CCSER1: variants seen among roughly 807,000 people sequenced by gnomAD.
CCSER1 encodes the protein coiled-coil serine rich protein 1.
Under a neutral mutation model 82.0 loss-of-function variants are expected in CCSER1, and 41 were observed. That is an observed-to-expected ratio of 0.50 (90% confidence interval 0.39 to 0.65). The LOEUF (loss-of-function observed/expected upper bound fraction) is 0.65, where lower values mean the gene tolerates loss of function less well. Among genes scored for constraint, CCSER1 ranks in the 30% least tolerant of loss-of-function variants. The probability of loss-of-function intolerance (pLI) is 0.00; values close to 1 mark genes in which losing one functional copy is unlikely to be tolerated. For synonymous variants in CCSER1, 414 were observed against 383.9 expected, an observed-to-expected ratio of 1.08 and a Z score of -0.92; for missense variants, 1,119 against 1,064.2, an observed-to-expected ratio of 1.05 and a Z score of -0.72.
At chr4:91,356,687 C>T (rs1284333783) in intron 10 of CCSER1, among the ~76,000 whole-genome samples, 1 of 152,148 alleles carries the variant, frequency 6.6e-6, no homozygotes, top group Non-Finnish European at 1.5e-5. Context: ...CAAGGGCTGA[C>T]TGATTGATAA....
At chr4:90,537,717 C>T (rs1448568623) in intron 5 of CCSER1, among the ~76,000 whole-genome samples, 6 of 152,122 alleles carry the variant, frequency 3.9e-5, no homozygotes, top group Non-Finnish European at 7.4e-5. Flanking sequence ...CTTTTATCTA[C>T]TGGGGTTTTA....
intron 8 of CCSER1, among the ~76,000 whole-genome samples, chr4:90,861,685 CTTAA>C (rs1399951766): frequency 1.3e-5 from 2 of 151,662 alleles, no homozygotes; most frequent in South Asian, 2.1e-4. Context: ...GTTATCACAA[CTTAA>C]TTAACTCAGA....
At chr4:90,257,002 C>T (rs182811122) in intron 1 of CCSER1, among the ~76,000 whole-genome samples, 243 of 151,752 alleles carry the variant, frequency 1.6e-3, no homozygotes, top group Non-Finnish European at 2.9e-3. Flanking sequence ...TATGACATTC[C>T]GTACTATCTG....
intron 8 of CCSER1, among the ~76,000 whole-genome samples, chr4:90,843,950 A>G (rs1762878920): frequency 6.6e-6 from 1 of 152,082 alleles, no homozygotes; most frequent in South Asian, 2.1e-4. Flanking sequence ...TATATTTTTT[A>G]TATTTTCAGT....
intron 10 of CCSER1, among the ~76,000 whole-genome samples, chr4:91,181,177 G>GC (rs1208177396): frequency 3.4e-5 from 5 of 149,150 alleles, no homozygotes; most frequent in Admixed American, 3.3e-4. Context: ...CCAGATTTTG[G>GC]GGGGCCTGCT....
At chr4:90,277,716 T>TAA (rs60268631) in intron 1 of CCSER1, among the ~76,000 whole-genome samples, 6 of 150,968 alleles carry the variant, frequency 4.0e-5, no homozygotes, top group African/African-American at 1.2e-4. Context: ...GCCCTCAAAA[T>TAA]AAAAAAAAAT....
At chr4:91,343,195 A>G (rs556084871) in intron 10 of CCSER1, among the ~76,000 whole-genome samples, 1 of 152,182 alleles carries the variant, frequency 6.6e-6, no homozygotes, top group South Asian at 2.1e-4. Flanking sequence ...AATTTTTCTT[A>G]TCCTCTATTT....
chr4:91,306,078 T>TGA (rs999887963), intron 10 of CCSER1, among the ~76,000 whole-genome samples: 20 of 151,504 alleles, frequency 1.3e-4, no homozygotes, highest in Non-Finnish European at 2.5e-4. Flanking sequence ...TGTGTGTGTG[T>TGA]GTGTGTGTGT....
intron 10 of CCSER1, among the ~76,000 whole-genome samples, chr4:91,262,840 C>A (rs1293167120): frequency 6.8e-6 from 1 of 146,912 alleles, no homozygotes; most frequent in African/African-American, 2.6e-5. Context: ...AAACATGAGG[C>A]TCTTATCATA....
intron 5 of CCSER1, among the ~76,000 whole-genome samples, chr4:90,623,938 T>G (rs1722826352): frequency 6.6e-6 from 1 of 152,192 alleles, no homozygotes; most frequent in South Asian, 2.1e-4. Context: ...AAGCTAGGAT[T>G]AAACTCACCG....
intron 10 of CCSER1, among the ~76,000 whole-genome samples, chr4:91,190,459 C>T (rs760560777): frequency 6.6e-6 from 1 of 152,088 alleles, no homozygotes; most frequent in African/African-American, 2.4e-5. Context: ...TGTCTTATAA[C>T]AAAACTGCAA....
intron 10 of CCSER1, among the ~76,000 whole-genome samples, chr4:91,588,827 CTTATGTCAATTA>C (rs1165082651): frequency 6.6e-6 from 1 of 151,744 alleles, no homozygotes; most frequent in East Asian, 1.9e-4. Flanking sequence ...GAAAACATAA[CTTATGTCAATTA>C]TTAAATCAAT....
chr4:91,170,193 T>C (rs1205827164), intron 10 of CCSER1, among the ~76,000 whole-genome samples: 1 of 152,154 alleles, frequency 6.6e-6, no homozygotes, highest in East Asian at 1.9e-4. Flanking sequence ...TAAGGTTATG[T>C]AAGAGAAAAA....
At chr4:90,998,423 CCT>C (rs1028603622) in intron 9 of CCSER1, among the ~76,000 whole-genome samples, 1 of 151,722 alleles carries the variant, frequency 6.6e-6, no homozygotes, top group African/African-American at 2.4e-5. Context: ...TGGATTTTCC[CCT>C]CTCAACAAAA....
chr4:91,280,483 C>A (rs1049361901), intron 10 of CCSER1, among the ~76,000 whole-genome samples: 2 of 152,062 alleles, frequency 1.3e-5, no homozygotes, highest in Admixed American at 6.6e-5. Context: ...GTTGTGTTTG[C>A]CCATCCTCAG....
Position 91,240,236 on chromosome 4 carries a change from C to T in CCSER1, c.2217+154242C>T, listed in dbSNP as rs1206141516. Among the ~76,000 whole-genome samples, 5 of 61,702 alleles carry T rather than the reference C, an allele frequency of 8.1e-5. 2 individuals are homozygous for T. Among genetic ancestry groups the T allele is most frequent in the Admixed American group, 1.7e-4 (1 of 5,840 alleles). 40.5% of individuals were successfully genotyped at this position (61,702 alleles called of 152,430 possible). A position where few individuals can be genotyped will look rare whatever the true frequency, so the allele number is the denominator to read the frequency against. On this transcript the variant is annotated intron_variant, in intron 10 of 10. Transcript: ENST00000509176. Reference sequence around the variant, plus strand: ...GACTACATACGCCAGCCACCACGCCCGGCTAATTTTTCTGTATTTTTAATA... The same window carrying T: ...GACTACATACGCCAGCCACCACGCCTGGCTAATTTTTCTGTATTTTTAATA...
chr4:90,311,613 C>T (rs968462253), intron 2 of CCSER1, among the ~76,000 whole-genome samples: 1 of 152,084 alleles, frequency 6.6e-6, no homozygotes, highest in Non-Finnish European at 1.5e-5. Context: ...TTTCATAATG[C>T]TAAATTTAGT....
chr4:91,197,316 T>A (rs1310965644), intron 10 of CCSER1, among the ~76,000 whole-genome samples: 5 of 152,168 alleles, frequency 3.3e-5, no homozygotes. Context: ...CATCCTAGCA[T>A]CTTGGAAGAC....
At chr4:90,727,215 T>C (rs1321370849) in intron 7 of CCSER1, 4 of 455,710 alleles carry the variant, frequency 8.8e-6, no homozygotes, top group Non-Finnish European at 1.8e-5. Flanking sequence ...ATATTCAGCA[T>C]TATATCAACT....
Sources: gnomAD v4.1 joint callset for allele counts (sites outside exome capture counted in the v4.1 genomes callset) on GRCh38, gnomAD v4.1.1 for gene constraint, MANE v1.5 for transcripts, NCBI Gene and HGNC (gene_info 2026-07-23, HGNC 2026-07-21) for gene names.